Variants in MEF2A observed in about 807,000 individuals in gnomAD.
MEF2A encodes the protein myocyte enhancer factor 2A.
MEF2A carries 28 observed loss-of-function variants against 55.8 expected under a neutral mutation model. The observed-to-expected ratio is 0.50, with a 90% CI of 0.37 to 0.69. The LOEUF is 0.69. Ranked by LOEUF, MEF2A falls within the 30% of genes least tolerant of loss-of-function variation. The probability of loss-of-function intolerance (pLI) is 0.00; values close to 1 mark genes in which losing one functional copy is unlikely to be tolerated. For missense variants in MEF2A, 528 were observed against 626.2 expected, an observed-to-expected ratio of 0.84 and a Z score of 1.67; for synonymous variants, 239 against 227.1, an observed-to-expected ratio of 1.05 and a Z score of -0.47.
chr15:99,702,698 G>A (rs2057560533), intron 8 of MEF2A, among the ~76,000 whole-genome samples: 1 of 151,974 alleles, frequency 6.6e-6, no homozygotes, highest in South Asian at 2.1e-4. Flanking sequence ...TTCTTTACAT[G>A]ACTTATGAAT....
At chr15:99,680,133 C>T (rs1388613890) in intron 7 of MEF2A, among the ~76,000 whole-genome samples, 1 of 152,178 alleles carries the variant, frequency 6.6e-6, no homozygotes, top group African/African-American at 2.4e-5. Context: ...TGGGACCACT[C>T]TTCCCCTAGT....
intron 3 of MEF2A, among the ~76,000 whole-genome samples, chr15:99,634,762 G>A (rs1011539040): frequency 6.6e-6 from 1 of 152,194 alleles, no homozygotes; most frequent in Non-Finnish European, 1.5e-5. Context: ...ACTAGAATGA[G>A]GCTGTTCTTA....
chr15:99,566,324 G>T, intron 1 of MEF2A, among the ~76,000 whole-genome samples: 1 of 149,366 alleles, frequency 6.7e-6, no homozygotes, highest in Non-Finnish European at 1.5e-5. Context: ...GGGGCGGGTA[G>T]GGTGCTGGGA....
At chr15:99,597,687 T>C (rs957354649) in intron 1 of MEF2A, among the ~76,000 whole-genome samples, 1 of 152,194 alleles carries the variant, frequency 6.6e-6, no homozygotes, top group African/African-American at 2.4e-5. Flanking sequence ...TCACGGAACC[T>C]ACCGACATGT....
At chr15:99,605,344 C>G (rs1377480182) in intron 2 of MEF2A, among the ~76,000 whole-genome samples, 1 of 152,200 alleles carries the variant, frequency 6.6e-6, no homozygotes, top group Admixed American at 6.5e-5. Context: ...AACTTTAATT[C>G]CATCTGCAAC....
At position 99,713,498 on chromosome 15, in the gene MEF2A, TAA is replaced by T. The variant is rs1476487182; in HGVS notation, c.*728_*729del. The T allele has an allele frequency of 2.0e-5, 3 of 152,440 alleles. No individual in the cohort carries two copies. Among genetic ancestry groups the T allele is most frequent in the Non-Finnish European group, 2.9e-5 (2 of 68,240 alleles). 9.4% of individuals were successfully genotyped at this position (152,440 alleles called of 1,614,324 possible). A position where few individuals can be genotyped will look rare whatever the true frequency, so the allele number is the denominator to read the frequency against. ...CATTAACAAAGTAAAATTAATATAT[TAA>T]GTTATAATTGGAATATGTCAGAAGT... is the stretch of plus-strand genomic sequence containing the variant. On this transcript the variant is annotated 3_prime_UTR_variant, in exon 12 of 12. Transcript: ENST00000557942.
At chr15:99,591,899 A>T (rs967359295) in intron 1 of MEF2A, among the ~76,000 whole-genome samples, 4 of 152,000 alleles carry the variant, frequency 2.6e-5, no homozygotes, top group Non-Finnish European at 5.9e-5. Flanking sequence ...AATATTTTGA[A>T]GTTTATGCCT....
At chr15:99,591,285 T>C (rs1470576286) in intron 1 of MEF2A, among the ~76,000 whole-genome samples, 1 of 152,206 alleles carries the variant, frequency 6.6e-6, no homozygotes, top group East Asian at 1.9e-4. Flanking sequence ...GTGAAGAATA[T>C]TTCTGCTTTA....
At chr15:99,675,188 TC>T (rs1259242675) in intron 6 of MEF2A, among the ~76,000 whole-genome samples, 1 of 152,180 alleles carries the variant, frequency 6.6e-6, no homozygotes, top group East Asian at 1.9e-4. Context: ...GAAGGCGACA[TC>T]AAGCTTGAAA....
intron 8 of MEF2A, among the ~76,000 whole-genome samples, chr15:99,699,206 A>G (rs931739106): frequency 2.0e-5 from 3 of 152,274 alleles, no homozygotes; most frequent in Non-Finnish European, 4.4e-5. Context: ...GTCCTTCAAC[A>G]GATGAATGGA....
chr15:99,671,669 A>C, intron 5 of MEF2A: 1 of 1,560,212 alleles, frequency 6.4e-7, no homozygotes, highest in Non-Finnish European at 8.6e-7. Context: ...TGAGTACTAA[A>C]GTATGGTTTG....
intron 1 of MEF2A, among the ~76,000 whole-genome samples, chr15:99,590,123 C>G (rs1448497240): frequency 6.6e-6 from 1 of 152,004 alleles, no homozygotes; most frequent in African/African-American, 2.4e-5. Context: ...ATATCTATTT[C>G]TCCTTTTAGT....
At position 99,715,001 on chromosome 15, in the gene MEF2A, G is replaced by C. The variant is rs1282151428; in HGVS notation, c.*2230G>C. 1 of 152,042 alleles carries C rather than the reference G, an allele frequency of 6.6e-6. No homozygotes were observed. 9.4% of individuals were successfully genotyped at this position (152,042 alleles called of 1,614,324 possible). A position where few individuals can be genotyped will look rare whatever the true frequency, so the allele number is the denominator to read the frequency against. The stretch of plus-strand genomic sequence containing the variant: ...TAACTTTTGAGAGAGGCCAAAAAAA[G>C]GAGGATGACATGCTGTCTCCTCTCT... On this transcript the variant is annotated 3_prime_UTR_variant, in exon 12 of 12. Coordinates refer to ENST00000557942, the MANE Select transcript of MEF2A (RefSeq NM_001319206.4).
intron 4 of MEF2A, among the ~76,000 whole-genome samples, chr15:99,646,431 A>G (rs1053215049): frequency 3.3e-5 from 5 of 152,000 alleles, no homozygotes; most frequent in Non-Finnish European, 5.9e-5. Context: ...TTCCATGTGT[A>G]TTTCTAATCA....
intron 7 of MEF2A, 99 bp downstream of exon 7, chr15:99,675,557 T>G: frequency 9.8e-7 from 1 of 1,019,898 alleles, no homozygotes; most frequent in Non-Finnish European, 1.5e-6. Context: ...AATTTCCTTC[T>G]GAAGGGTACT....
rs547598819 is a variant in MEF2A at position 99,599,748 on chromosome 15, C to T, written c.-143+1237C>T. On this transcript the variant is annotated intron_variant, in intron 2 of 11. Coordinates refer to ENST00000557942, the MANE Select transcript of MEF2A (RefSeq NM_001319206.4). The stretch of plus-strand genomic sequence containing the variant: ...TTTTAAAATATAAACCTTGGTTAGT[C>T]TTCTGTAAATCTTTTTCTTTTCTCA... 7.2e-5 allele frequency among the ~76,000 whole-genome samples: 11 copies of T among 152,166 alleles called. No individual in the cohort carries two copies. In the South Asian group the frequency reaches 1.0e-3, roughly 14 times the overall value.
chr15:99,575,108 AC>A (rs1963854174), intron 1 of MEF2A, among the ~76,000 whole-genome samples: 1 of 152,096 alleles, frequency 6.6e-6, no homozygotes, highest in Non-Finnish European at 1.5e-5. Flanking sequence ...GAGGTTGCAC[AC>A]ATCAAGTTCC....
At chr15:99,568,269 G>A (rs1489672903) in intron 1 of MEF2A, among the ~76,000 whole-genome samples, 1 of 152,158 alleles carries the variant, frequency 6.6e-6, no homozygotes, top group African/African-American at 2.4e-5. Flanking sequence ...ATTATGGTTT[G>A]AGAATAATTT....
At chr15:99,654,815 G>A (rs971913534) in intron 4 of MEF2A, among the ~76,000 whole-genome samples, 8 of 152,148 alleles carry the variant, frequency 5.3e-5, no homozygotes, top group Non-Finnish European at 7.4e-5. Context: ...GTCCAATATA[G>A]TAGCCATTAA....
Sources: gnomAD v4.1 joint callset for allele counts (sites outside exome capture counted in the v4.1 genomes callset) on GRCh38, gnomAD v4.1.1 for gene constraint, MANE v1.5 for transcripts, NCBI Gene and HGNC (gene_info 2026-07-23, HGNC 2026-07-21) for gene names.